The following KLHL29 variants were observed in gnomAD, a reference collection of about 807,000 sequenced individuals.
KLHL29 encodes the protein kelch like family member 29, also known as kelch-like protein 29.
A neutral mutation model predicts 80.4 loss-of-function variants in KLHL29; 21 were observed. That is an observed-to-expected ratio of 0.26 (90% CI 0.19 to 0.38). KLHL29 has a LOEUF of 0.38. Ranked by LOEUF, KLHL29 falls within the 10% of genes least tolerant of loss-of-function variation. KLHL29 has a pLI of 1.00. For synonymous variants in KLHL29, 511 were observed against 526.8 expected, an observed-to-expected ratio of 0.97 and a Z score of 0.41; for missense variants, 867 against 1,223.9, an observed-to-expected ratio of 0.71 and a Z score of 4.35.
chr2:23,688,548 T>C (rs1422234140), intron 6 of KLHL29, among the ~76,000 whole-genome samples: 2 of 152,108 alleles, frequency 1.3e-5, no homozygotes, highest in Non-Finnish European at 2.9e-5. Flanking sequence ...GGCCTAGCCA[T>C]TCCTCTGCTG....
At chr2:23,661,081 C>G (rs1198924605) in intron 5 of KLHL29, among the ~76,000 whole-genome samples, 3 of 151,992 alleles carry the variant, frequency 2.0e-5, no homozygotes, top group Non-Finnish European at 2.9e-5. Flanking sequence ...TGTCTCACAC[C>G]TGTCATCCCA....
In KLHL29 at chr2:23,457,174, G is replaced by A. The variant is rs927282466; in HGVS notation, c.-153-18386G>A. ...GAACAGGAGGAGGTTAAAGCAATCC[G>A]TGCCCTGAGTGAGCGCAGGGTGCAG... On this transcript the variant is annotated intron_variant, in intron 1 of 13. Coordinates refer to ENST00000486442, the MANE Select transcript of KLHL29 (RefSeq NM_052920.2). This position sits in a 1 kb window ranked among gnomAD's most constrained non-coding sequence, Gnocchi z 4.3. Among the ~76,000 whole-genome samples the A allele has an allele frequency of 1.2e-4, 18 of 152,328 alleles. No homozygotes were observed. Among genetic ancestry groups the A allele is most frequent in the African/African-American group, 1.9e-4 (8 of 41,570 alleles).
At chr2:23,411,739 A>G (rs1223628271) in intron 1 of KLHL29, among the ~76,000 whole-genome samples, 1 of 152,130 alleles carries the variant, frequency 6.6e-6, no homozygotes, top group Non-Finnish European at 1.5e-5. Flanking sequence ...TGGGCATGGC[A>G]GCTCCCAGCA....
At chr2:23,602,674 A>T (rs1431112886) in intron 3 of KLHL29, among the ~76,000 whole-genome samples, 1 of 150,110 alleles carries the variant, frequency 6.7e-6, no homozygotes, top group Non-Finnish European at 1.5e-5. Context: ...ACTGGTCTCG[A>T]ACTCCTGGGC....
chr2:23,403,893 G>T (rs757041943), intron 1 of KLHL29, among the ~76,000 whole-genome samples: 1 of 152,124 alleles, frequency 6.6e-6, no homozygotes, highest in Admixed American at 6.6e-5. Flanking sequence ...GCCAGAAGAG[G>T]TGGGGGGTAG....
intron 7 of KLHL29, among the ~76,000 whole-genome samples, chr2:23,692,544 G>A (rs762359322): frequency 6.6e-5 from 10 of 152,210 alleles, no homozygotes; most frequent in Non-Finnish European, 1.5e-4. Context: ...GGGCAGATCC[G>A]TGAGGACAGA....
chr2:23,517,148 G>A (rs759047103), intron 2 of KLHL29, among the ~76,000 whole-genome samples: 9 of 152,212 alleles, frequency 5.9e-5, no homozygotes, highest in Non-Finnish European at 1.2e-4. Flanking sequence ...GCAGAGGCGC[G>A]TCCTCTCTCA....
chr2:23,544,019 C>T (rs1050028998), intron 2 of KLHL29, among the ~76,000 whole-genome samples: 5 of 152,192 alleles, frequency 3.3e-5, no homozygotes, highest in Non-Finnish European at 5.9e-5. Context: ...CTGCCCCTTC[C>T]CCATGGCCGC....
chr2:23,606,200 G>GAGAA (rs56098712), intron 3 of KLHL29, among the ~76,000 whole-genome samples: 1 of 149,760 alleles, frequency 6.7e-6, no homozygotes, highest in Non-Finnish European at 1.5e-5. Flanking sequence ...GAGAGAGAGA[G>GAGAA]GGAGAGAGAG....
chr2:23,528,998 A>T (rs937327762), intron 2 of KLHL29, among the ~76,000 whole-genome samples: 1 of 152,226 alleles, frequency 6.6e-6, no homozygotes, highest in African/African-American at 2.4e-5. Flanking sequence ...CATGGCCCCC[A>T]GCCCACCCTT....
At chr2:23,500,109 T>G (rs141362913) in intron 2 of KLHL29, among the ~76,000 whole-genome samples, 2 of 152,244 alleles carry the variant, frequency 1.3e-5, no homozygotes, top group East Asian at 3.9e-4. Context: ...TGCTCTAAAG[T>G]AGATATTCTC....
chr2:23,408,306 GT>G (rs1218544559), intron 1 of KLHL29, among the ~76,000 whole-genome samples: 7 of 67,300 alleles, frequency 1.0e-4, no homozygotes, highest in Admixed American at 1.6e-4. Flanking sequence ...AAAAAATTGA[GT>G]TTTTTTTTTA....
Position 23,468,214 on chromosome 2 carries a change from G to A in KLHL29, c.-153-7346G>A, listed in dbSNP as rs141582225. Among the ~76,000 whole-genome samples, 789 of 152,116 alleles carry A rather than the reference G, an allele frequency of 5.2e-3. 9 individuals are homozygous for A. Among genetic ancestry groups the A allele is most frequent in the African/African-American group, 0.017 (716 of 41,516 alleles). ...GCAGACGTGGTCATTGCCATCAAAC[G>A]GCAGAGCTGAGATTTAGATGCAGCT... On this transcript the variant is annotated intron_variant, in intron 1 of 13. Transcript: ENST00000486442.
At chr2:23,606,643 TTATCAGAGAATTTTGCTTCTA>T (rs1668736632) in intron 3 of KLHL29, among the ~76,000 whole-genome samples, 1 of 152,204 alleles carries the variant, frequency 6.6e-6, no homozygotes, top group Non-Finnish European at 1.5e-5. Flanking sequence ...GGAGTTGGTT[TTATCAGAGAATTTTGCTTCTA>T]AAGTTAAACT....
At chr2:23,469,633 A>G (rs958063675) in intron 1 of KLHL29, among the ~76,000 whole-genome samples, 7 of 152,174 alleles carry the variant, frequency 4.6e-5, no homozygotes, top group African/African-American at 1.2e-4. Context: ...TTATATTCCA[A>G]TCATCAACCT....
intron 2 of KLHL29, among the ~76,000 whole-genome samples, chr2:23,533,157 A>G (rs1393295316): frequency 2.0e-5 from 3 of 152,158 alleles, no homozygotes; most frequent in Middle Eastern, 6.8e-3. Context: ...AAAGGTGTAC[A>G]CATACGGCAG....
intron 1 of KLHL29, among the ~76,000 whole-genome samples, chr2:23,408,326 C>G (rs1666783221): frequency 7.8e-6 from 1 of 129,028 alleles, no homozygotes; most frequent in Non-Finnish European, 1.6e-5. Flanking sequence ...TACATGATAG[C>G]CATATGAATT....
intron 5 of KLHL29, among the ~76,000 whole-genome samples, chr2:23,645,150 T>G (rs1372939067): frequency 1.3e-5 from 2 of 152,192 alleles, no homozygotes; most frequent in African/African-American, 4.8e-5. Context: ...CTCTTTTCAT[T>G]TCTAATCTTA....
intron 2 of KLHL29, among the ~76,000 whole-genome samples, chr2:23,555,391 T>G (rs1667259645): frequency 6.6e-6 from 1 of 152,190 alleles, no homozygotes; most frequent in African/African-American, 2.4e-5. Flanking sequence ...TCATCTTTAT[T>G]TTGATCCTAG....
Sources: gnomAD v4.1 joint callset for allele counts (sites outside exome capture counted in the v4.1 genomes callset) on GRCh38, gnomAD v4.1.1 for gene constraint, Gnocchi (gnomAD v3.1) non-coding constraint, MANE v1.5 for transcripts, NCBI Gene and HGNC (gene_info 2026-07-23, HGNC 2026-07-21) for gene names.